The following KCNIP4 variants were observed in gnomAD, a reference collection of about 807,000 sequenced individuals.
The protein encoded by KCNIP4 is potassium voltage-gated channel interacting protein 4, also known as Kv channel-interacting protein 4.
In KCNIP4, 12 loss-of-function variants were observed where a neutral mutation model predicts 34.0. The ratio of observed to expected loss-of-function variants is 0.35; its 90% CI spans 0.23 to 0.57. The LOEUF is 0.57. KCNIP4 is among the 20% of genes least tolerant of loss of function. The pLI is 0.83. For synonymous variants in KCNIP4, 124 were observed against 102.2 expected, an observed-to-expected ratio of 1.21 and a Z score of -1.29; for missense variants, 238 against 311.7, an observed-to-expected ratio of 0.76 and a Z score of 1.78.
At chr4:21,939,357 C>T (rs1218335881) in intron 1 of KCNIP4, among the ~76,000 whole-genome samples, 1 of 152,186 alleles carries the variant, frequency 6.6e-6, no homozygotes, top group African/African-American at 2.4e-5. Context: ...TTATTACCTT[C>T]CAGCTTCCCA....
intron 1 of KCNIP4, among the ~76,000 whole-genome samples, chr4:21,244,375 A>G (rs969076219): frequency 6.6e-6 from 1 of 152,238 alleles, no homozygotes; most frequent in African/African-American, 2.4e-5. Context: ...AAACAGTTTC[A>G]TTATAAGTCA....
At chr4:20,868,422 C>T (rs1418407388) in intron 2 of KCNIP4, among the ~76,000 whole-genome samples, 2 of 152,108 alleles carry the variant, frequency 1.3e-5, no homozygotes, top group African/African-American at 4.8e-5. Flanking sequence ...CTGTGGAAAG[C>T]AGTCTGGAGA....
chr4:21,336,957 A>G (rs555901284), intron 1 of KCNIP4, among the ~76,000 whole-genome samples: 23 of 152,186 alleles, frequency 1.5e-4, no homozygotes, highest in African/African-American at 5.3e-4. Flanking sequence ...GGTGAGGAAG[A>G]AACTAGAAAG....
intron 1 of KCNIP4, among the ~76,000 whole-genome samples, chr4:21,639,105 T>C (rs933591181): frequency 2.6e-5 from 4 of 152,214 alleles, no homozygotes; most frequent in African/African-American, 9.6e-5. Context: ...GACAGAACTA[T>C]TGCCCAGAAA....
intron 2 of KCNIP4, among the ~76,000 whole-genome samples, chr4:20,875,293 A>T (rs772588155): frequency 6.6e-6 from 1 of 152,162 alleles, no homozygotes; most frequent in Non-Finnish European, 1.5e-5. Flanking sequence ...GCTGTGTTCA[A>T]TCTCTTCCCC....
At chr4:21,372,248 G>A (rs1395409172) in intron 1 of KCNIP4, among the ~76,000 whole-genome samples, 1 of 147,012 alleles carries the variant, frequency 6.8e-6, no homozygotes, top group Non-Finnish European at 1.5e-5. Flanking sequence ...TGCTACTTAT[G>A]TATCCATTTA....
intron 1 of KCNIP4, among the ~76,000 whole-genome samples, chr4:21,345,417 G>T (rs1429796690): frequency 6.6e-6 from 1 of 152,088 alleles, no homozygotes; most frequent in Non-Finnish European, 1.5e-5. Context: ...ATAAATTTTT[G>T]TTGTTTTAAG....
At chr4:20,864,036 A>G (rs934932361) in intron 2 of KCNIP4, among the ~76,000 whole-genome samples, 5 of 96,184 alleles carry the variant, frequency 5.2e-5, no homozygotes, top group African/African-American at 3.0e-4. Flanking sequence ...ATACATATGT[A>G]TGTATACGCA....
At chr4:21,910,097 G>A (rs1044839982) in intron 1 of KCNIP4, among the ~76,000 whole-genome samples, 4 of 152,052 alleles carry the variant, frequency 2.6e-5, no homozygotes, top group African/African-American at 9.7e-5. Flanking sequence ...TGCAGGGGGA[G>A]GGCACAGAGC....
At chr4:21,132,304 T>C (rs1212850038) in intron 1 of KCNIP4, among the ~76,000 whole-genome samples, 1 of 152,198 alleles carries the variant, frequency 6.6e-6, no homozygotes, top group Non-Finnish European at 1.5e-5. Flanking sequence ...TTGCCACTTG[T>C]ATTTGTAATA....
At chr4:21,730,769 G>A (rs2109110872) in intron 1 of KCNIP4, among the ~76,000 whole-genome samples, 1 of 152,182 alleles carries the variant, frequency 6.6e-6, no homozygotes, top group Middle Eastern at 3.4e-3. Flanking sequence ...CTTATACGCT[G>A]GAAGAAATTA....
intron 1 of KCNIP4, among the ~76,000 whole-genome samples, chr4:21,837,427 C>A (rs1337841065): frequency 6.8e-6 from 1 of 147,122 alleles, no homozygotes. Context: ...CCCAGCTACT[C>A]AGAAGACTGA....
In KCNIP4 at chr4:21,005,611, G is replaced by A. The variant is rs187094700; in HGVS notation, c.62-122902C>T. ...TACATATAACCTGCCTGAGAACTCA[G>A]ACCAAATGAGTTCCCAAATTATGCT... On this transcript the variant is annotated intron_variant, in intron 1 of 8. Transcript: ENST00000382152. Among the ~76,000 whole-genome samples, 3 of 152,028 alleles carry A rather than the reference G, an allele frequency of 2.0e-5. No individual in the cohort carries two copies. The East Asian group carries it at 5.8e-4, about 29-fold the overall frequency.
intron 1 of KCNIP4, among the ~76,000 whole-genome samples, chr4:21,889,962 T>C (rs1726998625): frequency 6.6e-6 from 1 of 152,138 alleles, no homozygotes; most frequent in African/African-American, 2.4e-5. Flanking sequence ...GTGGCATTGA[T>C]GATGAATTTG....
intron 1 of KCNIP4, among the ~76,000 whole-genome samples, chr4:21,578,062 G>A (rs144292370): frequency 2.0e-5 from 3 of 151,734 alleles, no homozygotes; most frequent in African/African-American, 7.3e-5. Flanking sequence ...CAGGCCGGGC[G>A]CGGTGGCTCA....
chr4:21,851,193 G>A (rs542203414), intron 1 of KCNIP4: 2 of 152,144 alleles, frequency 1.3e-5, no homozygotes, highest in Non-Finnish European at 2.9e-5. Context: ...GAGGAGAGGA[G>A]AGGGGTTAAG....
At chr4:21,209,490 TG>T (rs1757082441) in intron 1 of KCNIP4, among the ~76,000 whole-genome samples, 1 of 152,172 alleles carries the variant, frequency 6.6e-6, no homozygotes, top group South Asian at 2.1e-4. Context: ...CATATATGAA[TG>T]AGAACTTTCT....
chr4:20,733,794 A>G (rs925923958), intron 6 of KCNIP4, among the ~76,000 whole-genome samples: 1 of 152,184 alleles, frequency 6.6e-6, no homozygotes, highest in African/African-American at 2.4e-5. Flanking sequence ...CCCACTAGTG[A>G]TACCTATTCT....
chr4:21,549,432 T>C (rs1386662534), intron 1 of KCNIP4, among the ~76,000 whole-genome samples: 1 of 151,844 alleles, frequency 6.6e-6, no homozygotes, highest in Non-Finnish European at 1.5e-5. Context: ...CTCTATTACT[T>C]ACTGTGACAT....
Sources: allele counts gnomAD v4.1 joint callset (sites outside exome capture counted in the v4.1 genomes callset), GRCh38; gene constraint gnomAD v4.1.1; transcripts MANE v1.5; gene names NCBI Gene and HGNC (gene_info 2026-07-23, HGNC 2026-07-21).